The following TMEM117 variants were observed in gnomAD, a reference collection of about 807,000 sequenced individuals.
TMEM117 encodes transmembrane protein 117.
In TMEM117, 27 loss-of-function variants were observed where a neutral mutation model predicts 52.4. The ratio of observed to expected loss-of-function variants is 0.51; its 90% CI spans 0.38 to 0.71. TMEM117 has a LOEUF of 0.71. Ranked by LOEUF, TMEM117 falls within the 30% of genes least tolerant of loss-of-function variation. TMEM117 has a pLI of 0.00. For synonymous variants in TMEM117, 215 were observed against 206.3 expected (o/e 1.04, Z -0.36); for missense variants, 556 against 630.5 (o/e 0.88, Z 1.26).
At position 43,859,134 on chromosome 12, in the gene TMEM117, C is replaced by T. The variant is rs535923844; in HGVS notation, c.277+14206C>T. ...GAGCACCTCCAACAAAGGCGATTAT[C>T]CCCAAAGAAGTCTCTGTGTTCGATT... On this transcript the variant is annotated intron_variant, in intron 2 of 7. Transcript: ENST00000266534. Among the ~76,000 whole-genome samples, 13 of 152,316 alleles carry T rather than the reference C, an allele frequency of 8.5e-5. No individual in the cohort carries two copies. The South Asian group carries it at 2.5e-3, about 29-fold the overall frequency.
chr12:44,017,539 C>T (rs1946392081), intron 3 of TMEM117, among the ~76,000 whole-genome samples: 2 of 151,990 alleles, frequency 1.3e-5, no homozygotes, highest in South Asian at 4.1e-4. Context: ...GAGTGCTTGT[C>T]ACTGGGTTGG....
the TMEM117 span, among the ~76,000 whole-genome samples, chr12:43,807,534 G>A: frequency 2.6e-5 from 4 of 152,166 alleles, no homozygotes; most frequent in Admixed American, 6.5e-5. Flanking sequence ...ACCAGTTTTT[G>A]ACTACATTGC....
chr12:44,104,319 T>C (rs1314976347), intron 3 of TMEM117, among the ~76,000 whole-genome samples: 1 of 151,946 alleles, frequency 6.6e-6, no homozygotes, highest in African/African-American at 2.4e-5. Context: ...CCACTCCTCC[T>C]TCCCTTTATT....
chr12:43,926,035 A>G lies in TMEM117; in HGVS notation c.278-18175A>G, dbSNP rs137928630. Among the ~76,000 whole-genome samples, 138 of 152,344 alleles carry G rather than the reference A, an allele frequency of 9.1e-4. 3 individuals carry two copies. The East Asian group carries it at 0.025, about 27-fold the overall frequency. On this transcript the variant is annotated intron_variant, in intron 2 of 7. Transcript: ENST00000266534. ...AGTGCCATTAGTAGCTGCATAAATA[A>G]TGTTTGAGGTTAATCTGTATGCTAA...
chr12:44,016,161 C>CT (rs1356762179), intron 3 of TMEM117, among the ~76,000 whole-genome samples: 1 of 152,182 alleles, frequency 6.6e-6, no homozygotes, highest in Non-Finnish European at 1.5e-5. Flanking sequence ...CACCTGGCTG[C>CT]TTTGTTCTTA....
intron 3 of TMEM117, among the ~76,000 whole-genome samples, chr12:44,049,972 T>A (rs918626526): frequency 6.6e-6 from 1 of 152,194 alleles, no homozygotes; most frequent in Non-Finnish European, 1.5e-5. Context: ...AAAAGCTAGC[T>A]GCAGTTAGTG....
At chr12:43,800,899 C>A in the TMEM117 span, among the ~76,000 whole-genome samples, 1 of 151,956 alleles carries the variant, frequency 6.6e-6, no homozygotes, top group Non-Finnish European at 1.5e-5. Context: ...TATAGGTGTG[C>A]GCCACCACAC....
chr12:43,824,038 T>TA, the TMEM117 span, among the ~76,000 whole-genome samples: 2 of 152,220 alleles, frequency 1.3e-5, no homozygotes, highest in East Asian at 3.8e-4. Context: ...ATTGATATTT[T>TA]AAAAAATAAT....
intron 3 of TMEM117, among the ~76,000 whole-genome samples, chr12:44,099,734 A>C (rs1186150438): frequency 6.6e-6 from 1 of 152,030 alleles, no homozygotes; most frequent in Admixed American, 6.6e-5. Context: ...AAATGTTACC[A>C]ATGAGGAGGA....
chr12:43,938,104 CA>C (rs1035656485), intron 2 of TMEM117, among the ~76,000 whole-genome samples: 4 of 151,628 alleles, frequency 2.6e-5, no homozygotes, highest in African/African-American at 4.9e-5. Context: ...GAACTGACAT[CA>C]GGGGGAGGGT....
At chr12:44,278,135 A>G (rs1028029379) in intron 5 of TMEM117, among the ~76,000 whole-genome samples, 1 of 152,168 alleles carries the variant, frequency 6.6e-6, no homozygotes, top group Non-Finnish European at 1.5e-5. Context: ...TGATGAACCC[A>G]AGGTTATCTG....
At chr12:44,007,956 G>A (rs1266061733) in intron 3 of TMEM117, among the ~76,000 whole-genome samples, 2 of 152,064 alleles carry the variant, frequency 1.3e-5, no homozygotes, top group East Asian at 3.9e-4. Flanking sequence ...TCTCGGTTAT[G>A]TCTCTATCAC....
At chr12:43,867,475 TCCAA>T (rs1424261290) in intron 2 of TMEM117, among the ~76,000 whole-genome samples, 1 of 152,140 alleles carries the variant, frequency 6.6e-6, no homozygotes, top group East Asian at 1.9e-4. Flanking sequence ...TAGACCTAAA[TCCAA>T]CTGTATAATT....
intron 3 of TMEM117, among the ~76,000 whole-genome samples, chr12:44,072,130 C>T (rs1947311282): frequency 6.6e-6 from 1 of 151,988 alleles, no homozygotes; most frequent in Non-Finnish European, 1.5e-5. Flanking sequence ...GACTTTTTCC[C>T]ATTTATTCCA....
intron 6 of TMEM117, among the ~76,000 whole-genome samples, chr12:44,316,356 T>TA (rs1329940295): frequency 2.6e-5 from 4 of 152,176 alleles, no homozygotes; most frequent in Non-Finnish European, 4.4e-5. Context: ...TTTGATGGGA[T>TA]ATGGAATTCT....
At chr12:44,372,595 T>A (rs564179985) in intron 6 of TMEM117, among the ~76,000 whole-genome samples, 6 of 144,884 alleles carry the variant, frequency 4.1e-5, no homozygotes, top group Non-Finnish European at 9.0e-5. Context: ...ATCCCTGTGA[T>A]GAAAAAAAAA....
intron 5 of TMEM117, among the ~76,000 whole-genome samples, chr12:44,280,534 A>G (rs1302688001): frequency 6.6e-6 from 1 of 152,142 alleles, no homozygotes; most frequent in East Asian, 1.9e-4. Context: ...ATAAAAATCA[A>G]TCAGATATTC....
chr12:44,301,536 G>A (rs1001590095), intron 6 of TMEM117, among the ~76,000 whole-genome samples: 6 of 152,084 alleles, frequency 3.9e-5, no homozygotes, highest in Admixed American at 1.3e-4. Context: ...GCAATAACCC[G>A]GCCAAGCTAA....
chr12:44,386,155 C>G (rs552618734), intron 7 of TMEM117, among the ~76,000 whole-genome samples: 1 of 152,142 alleles, frequency 6.6e-6, no homozygotes, highest in East Asian at 1.9e-4. Flanking sequence ...GATGTAGCCT[C>G]TCACTATTTA....
Sources: gnomAD v4.1 joint callset for allele counts (sites outside exome capture counted in the v4.1 genomes callset) on GRCh38, gnomAD v4.1.1 for gene constraint, MANE v1.5 for transcripts, NCBI Gene and HGNC (gene_info 2026-07-23, HGNC 2026-07-21) for gene names.